Variants in TSHZ2 observed in about 807,000 individuals in gnomAD.
TSHZ2 encodes teashirt zinc finger homeobox 2, also known as teashirt homolog 2.
In TSHZ2, 21 loss-of-function variants were observed where a neutral mutation model predicts 74.4. The ratio of observed to expected loss-of-function variants is 0.28; its 90% CI spans 0.20 to 0.41. TSHZ2 has a LOEUF of 0.41. Among genes scored for constraint, TSHZ2 ranks in the 10% least tolerant of loss-of-function variants. The pLI is 1.00. For synonymous variants in TSHZ2, 540 were observed against 515.3 expected (o/e 1.05, Z -0.65); for missense variants, 1,244 against 1,293.5 (o/e 0.96, Z 0.59).
At chr20:53,391,803 CGTG>C (rs1226882179) in intron 2 of TSHZ2, among the ~76,000 whole-genome samples, 1 of 152,052 alleles carries the variant, frequency 6.6e-6, no homozygotes, top group Non-Finnish European at 1.5e-5. Context: ...ATTAGACAGA[CGTG>C]GTGGTGTGCA....
intron 1 of TSHZ2, among the ~76,000 whole-genome samples, chr20:53,242,383 A>G (rs1335013696): frequency 6.6e-6 from 1 of 152,156 alleles, no homozygotes; most frequent in Non-Finnish European, 1.5e-5. Flanking sequence ...CTTCTCTAGA[A>G]GAAACCAGCT....
At chr20:53,071,526 T>C (rs1366297473) in intron 1 of TSHZ2, among the ~76,000 whole-genome samples, 1 of 152,240 alleles carries the variant, frequency 6.6e-6, no homozygotes. Context: ...TCTTTCCTGT[T>C]CATGGGTCTG....
chr20:53,384,591 G>T (rs1208823460), intron 2 of TSHZ2, among the ~76,000 whole-genome samples: 1 of 152,074 alleles, frequency 6.6e-6, no homozygotes, highest in African/African-American at 2.4e-5. Context: ...CTTCAGCAAG[G>T]GGCTTGACCT....
At chr20:53,063,703 C>T (rs1984889730) in intron 1 of TSHZ2, among the ~76,000 whole-genome samples, 1 of 152,066 alleles carries the variant, frequency 6.6e-6, no homozygotes. Flanking sequence ...ACTGATTTGC[C>T]CAGGTACTCA....
intron 1 of TSHZ2, among the ~76,000 whole-genome samples, chr20:53,240,816 A>G (rs1990051761): frequency 6.6e-6 from 1 of 152,076 alleles, no homozygotes; most frequent in Admixed American, 6.6e-5. Context: ...GTGGTCTGAG[A>G]ACTGGCTGAA....
At chr20:53,331,735 G>C (rs1979729231) in intron 2 of TSHZ2, among the ~76,000 whole-genome samples, 1 of 72,980 alleles carries the variant, frequency 1.4e-5, no homozygotes, top group Admixed American at 9.7e-5. Context: ...CTCAGATTAG[G>C]AAAAGGGTTA....
intron 1 of TSHZ2, among the ~76,000 whole-genome samples, chr20:53,184,480 T>A (rs1988555303): frequency 6.6e-6 from 1 of 152,170 alleles, no homozygotes; most frequent in Admixed American, 6.5e-5. Context: ...AGAAGCAAAA[T>A]GTGAATTTTA....
intron 1 of TSHZ2, among the ~76,000 whole-genome samples, chr20:52,981,250 G>T (rs924756955): frequency 3.3e-5 from 5 of 152,186 alleles, no homozygotes; most frequent in African/African-American, 9.7e-5. Flanking sequence ...CCCCGGGCAA[G>T]CTCTAGAGAT....
Position 53,255,711 on chromosome 20 carries a change from C to T in TSHZ2, c.2253C>T (p.Ser751=), listed in dbSNP as rs1385963534. The T allele has an allele frequency of 2.5e-6, 4 of 1,604,838 alleles. No homozygotes were observed. Among genetic ancestry groups the T allele is most frequent in the Admixed American group, 1.7e-5 (1 of 58,632 alleles). ...VLSPASTRSA[S]VSRRYLFENS... ...GTCCTGCCTCCACAAGGTCAGCCAG[C>T]GTGTCCAGGCGCTACCTGTTTGAGA... The change falls in exon 2 of 3, where the codon AGC becomes AGT. Residue 751 remains serine (S), a synonymous_variant. Transcript: ENST00000371497. This position sits in a 1 kb window ranked among gnomAD's most constrained non-coding sequence, Gnocchi z 4.1.
chr20:53,388,831 C>T (rs1394918173), intron 2 of TSHZ2, among the ~76,000 whole-genome samples: 1 of 152,276 alleles, frequency 6.6e-6, no homozygotes, highest in South Asian at 2.1e-4. Flanking sequence ...GATCTGCCCG[C>T]CTTGGCCTCC....
intron 2 of TSHZ2, among the ~76,000 whole-genome samples, chr20:53,396,102 A>AT (rs1193770782): frequency 2.0e-5 from 3 of 151,380 alleles, no homozygotes; most frequent in Non-Finnish European, 4.4e-5. Context: ...CGCCTGGCTA[A>AT]TTTTTTGTAT....
At chr20:53,205,568 T>A (rs907238021) in intron 1 of TSHZ2, among the ~76,000 whole-genome samples, 1 of 152,238 alleles carries the variant, frequency 6.6e-6, no homozygotes, top group Non-Finnish European at 1.5e-5. Flanking sequence ...TTTGTGAATA[T>A]GCAGCCGCAC....
intron 1 of TSHZ2, among the ~76,000 whole-genome samples, chr20:53,243,222 GA>G (rs1479812238): frequency 6.6e-6 from 1 of 152,076 alleles, no homozygotes; most frequent in Non-Finnish European, 1.5e-5. Context: ...CTTAAAGAAG[GA>G]AAGAATTTGA....
At chr20:53,339,531 C>A (rs1980094659) in intron 2 of TSHZ2, among the ~76,000 whole-genome samples, 1 of 152,204 alleles carries the variant, frequency 6.6e-6, no homozygotes, top group Non-Finnish European at 1.5e-5. Flanking sequence ...GTGGCCACAG[C>A]CAGCTACATG....
chr20:53,323,248 G>T (rs541264139), intron 2 of TSHZ2, among the ~76,000 whole-genome samples: 2 of 152,288 alleles, frequency 1.3e-5, no homozygotes, highest in Admixed American at 1.3e-4. Flanking sequence ...GTGCCTGAGA[G>T]CCAGAGGCTG....
chr20:53,452,878 C>T (rs899740996), intron 2 of TSHZ2, among the ~76,000 whole-genome samples: 12 of 152,108 alleles, frequency 7.9e-5, no homozygotes, highest in Non-Finnish European at 1.6e-4. Context: ...TAGATTGCTG[C>T]CTTACATATC....
At chr20:53,022,933 G>A (rs565564687) in intron 1 of TSHZ2, among the ~76,000 whole-genome samples, 3 of 152,242 alleles carry the variant, frequency 2.0e-5, no homozygotes, top group East Asian at 3.9e-4. Flanking sequence ...CCATGGCGAT[G>A]CATTGTGTGT....
chr20:53,353,013 T>C (rs1980712855), intron 2 of TSHZ2, among the ~76,000 whole-genome samples: 1 of 152,158 alleles, frequency 6.6e-6, no homozygotes, highest in African/African-American at 2.4e-5. Context: ...CCCAAGTTCC[T>C]TTTTTCTCAT....
At chr20:53,299,157 A>G (rs1465646251) in intron 2 of TSHZ2, among the ~76,000 whole-genome samples, 2 of 152,188 alleles carry the variant, frequency 1.3e-5, no homozygotes, top group Non-Finnish European at 2.9e-5. Flanking sequence ...TGTTCTATAA[A>G]AGAGAGGAAG....
Sources: gnomAD v4.1 joint callset for allele counts (sites outside exome capture counted in the v4.1 genomes callset) on GRCh38, gnomAD v4.1.1 for gene constraint, Gnocchi (gnomAD v3.1) non-coding constraint, MANE v1.5 for transcripts, NCBI Gene and HGNC (gene_info 2026-07-23, HGNC 2026-07-21) for gene names.